The following MTREX variants were observed in gnomAD, a reference collection of about 807,000 sequenced individuals.
MTREX encodes Mtr4 exosome RNA helicase.
A neutral mutation model predicts 135.4 loss-of-function variants in MTREX; 76 were observed. The observed-to-expected ratio is 0.56, with a 90% CI of 0.47 to 0.68. The LOEUF (loss-of-function observed/expected upper bound fraction) is 0.68. Among genes scored for constraint, MTREX ranks in the 30% least tolerant of loss-of-function variants. The probability of loss-of-function intolerance (pLI) is 0.00; values close to 1 mark genes in which losing one functional copy is unlikely to be tolerated. For synonymous variants in MTREX, 404 were observed against 401.6 expected, an observed-to-expected ratio of 1.01 and a Z score of -0.07; for missense variants, 920 against 1,262.1, an observed-to-expected ratio of 0.73 and a Z score of 4.11.
chr5:55,350,337 G>C (rs1192395798), intron 12 of MTREX, among the ~76,000 whole-genome samples: 2 of 152,144 alleles, frequency 1.3e-5, no homozygotes, highest in Non-Finnish European at 2.9e-5. Flanking sequence ...CATGTTTCTT[G>C]CTATTTGAAA....
At chr5:55,316,645 G>C (rs1749203067) in intron 1 of MTREX, among the ~76,000 whole-genome samples, 1 of 152,020 alleles carries the variant, frequency 6.6e-6, no homozygotes, top group Non-Finnish European at 1.5e-5. Flanking sequence ...CAATATAATA[G>C]AGCCATCTAT....
chr5:55,410,599 A>G lies in MTREX; in HGVS notation c.2721A>G (p.Ala907=), dbSNP rs1403718997. ...FNDLSAEQAT[A]LLSCFVFQEN... ...ACCTTTCTGCAGAACAGGCAACAGC[A>G]TTATTAAGCTGCTTTGTGTTTCAAG... Residue 907 remains alanine (A), a synonymous_variant, in exon 23 of 27, where the codon GCA becomes GCG. Transcript: ENST00000230640. 7.5e-6 allele frequency: 12 copies of G among 1,608,994 alleles called. No homozygotes were observed. Among genetic ancestry groups the G allele is most frequent in the Admixed American group, 1.7e-5 (1 of 59,686 alleles).
At chr5:55,384,888 G>A (rs759619656) in intron 18 of MTREX, among the ~76,000 whole-genome samples, 26 of 152,088 alleles carry the variant, frequency 1.7e-4, no homozygotes, top group Non-Finnish European at 3.2e-4. Context: ...TAGCAGGAGG[G>A]CTCCTCCCAC....
At chr5:55,413,488 T>G (rs749579609) in intron 23 of MTREX, among the ~76,000 whole-genome samples, 11 of 152,318 alleles carry the variant, frequency 7.2e-5, no homozygotes, top group Non-Finnish European at 1.5e-4. Context: ...ATAAGCCTAC[T>G]CATTTTGAGG....
At chr5:55,347,320 T>G (rs1276018554) in intron 11 of MTREX, among the ~76,000 whole-genome samples, 176 bp downstream of exon 11, 4 of 152,252 alleles carry the variant, frequency 2.6e-5, no homozygotes, top group African/African-American at 9.6e-5. Flanking sequence ...CTTTCTTCCC[T>G]TTCTTCTCCT....
chr5:55,314,365 T>A (rs1330827389), intron 1 of MTREX, among the ~76,000 whole-genome samples: 1 of 152,222 alleles, frequency 6.6e-6, no homozygotes, highest in Non-Finnish European at 1.5e-5. Flanking sequence ...GAGTTCATGC[T>A]GCTAATCAGT....
At chr5:55,372,289 G>A (rs886551490) in intron 16 of MTREX, among the ~76,000 whole-genome samples, 1 of 152,066 alleles carries the variant, frequency 6.6e-6, no homozygotes, top group African/African-American at 2.4e-5. Context: ...TACAGCTCCT[G>A]TAAGCAGTGA....
chr5:55,378,558 T>C (rs1750344306), intron 17 of MTREX, 72 bp downstream of exon 17: 3 of 1,419,370 alleles, frequency 2.1e-6, no homozygotes, highest in Admixed American at 2.4e-5. Flanking sequence ...AAGATTCTAA[T>C]TTATTTTTTA....
chr5:55,340,801 T>A (rs1470556968), intron 6 of MTREX, among the ~76,000 whole-genome samples: 1 of 152,138 alleles, frequency 6.6e-6, no homozygotes, highest in Non-Finnish European at 1.5e-5. Flanking sequence ...CAGTATGGTC[T>A]CTATCTCCTG....
chr5:55,388,172 C>T, intron 19 of MTREX, 70 bp downstream of exon 19: 2 of 1,383,184 alleles, frequency 1.4e-6, no homozygotes, highest in Non-Finnish European at 2.0e-6. Flanking sequence ...CAAAGTTCTC[C>T]AATGTGATGG....
At position 55,353,259 on chromosome 5, in the gene MTREX, ATT is replaced by A. The variant is rs772215714; in HGVS notation, c.1525_1526del (p.Phe509ProfsTer7). 6.2e-7 allele frequency: 1 copy of A among 1,604,308 alleles called. No individual in the cohort carries two copies. The highest frequency in any genetic ancestry group is 1.7e-5 in the Admixed American group (1 of 59,236). ...AATGCCCGCAAATTTGATGGGAAGG[ATT>A]TCCGATGGGTAAGTAAAGCAATTCA... On this transcript the variant is annotated frameshift_variant, in exon 14 of 27. Coordinates refer to ENST00000230640, the MANE Select transcript of MTREX (RefSeq NM_015360.5). LOFTEE classifies it high-confidence loss of function.
At chr5:55,364,336 C>G (rs1750062330) in intron 15 of MTREX, among the ~76,000 whole-genome samples, 1 of 152,114 alleles carries the variant, frequency 6.6e-6, no homozygotes, top group South Asian at 2.1e-4. Context: ...CTTTAGAAAA[C>G]AATAGAGTTT....
At chr5:55,342,237 T>C (rs777064866) in intron 7 of MTREX, among the ~76,000 whole-genome samples, 7 of 152,194 alleles carry the variant, frequency 4.6e-5, no homozygotes, top group Non-Finnish European at 1.0e-4. Context: ...CAACATGATA[T>C]TATTTTTCCA....
chr5:55,354,590 G>T (rs1424047050), intron 14 of MTREX, among the ~76,000 whole-genome samples: 1 of 152,206 alleles, frequency 6.6e-6, no homozygotes, highest in African/African-American at 2.4e-5. Context: ...TAAAATGTTG[G>T]ATGCTCTACA....
rs145771252 is a variant in MTREX at position 55,367,330 on chromosome 5, C to T, written c.1810+455C>T. Among the ~76,000 whole-genome samples, 980 of 151,962 alleles carry T rather than the reference C, an allele frequency of 6.4e-3. 3 individuals carry two copies. Among genetic ancestry groups the T allele is most frequent in the Non-Finnish European group, 0.01 (685 of 67,946 alleles). On this transcript the variant is annotated intron_variant, in intron 16 of 26. Coordinates refer to ENST00000230640, the MANE Select transcript of MTREX (RefSeq NM_015360.5). ...TGAAACCCCATCTCTACTAAAAATA[C>T]AAAAAATGAGCTGGGCATGGTGGTG...
chr5:55,373,487 AC>A (rs1750241048), intron 16 of MTREX, among the ~76,000 whole-genome samples: 3 of 151,824 alleles, frequency 2.0e-5, no homozygotes, highest in Admixed American at 1.3e-4. Flanking sequence ...AAGATGGTGC[AC>A]TCCATCTCTG....
chr5:55,345,560 A>T (rs1363216976), intron 10 of MTREX, among the ~76,000 whole-genome samples: 1 of 151,798 alleles, frequency 6.6e-6, no homozygotes, highest in Non-Finnish European at 1.5e-5. Flanking sequence ...GTTAATCATT[A>T]GCCTGTTTTC....
At chr5:55,317,435 A>G (rs991288329) in intron 1 of MTREX, among the ~76,000 whole-genome samples, 2 of 152,226 alleles carry the variant, frequency 1.3e-5, no homozygotes, top group East Asian at 1.9e-4. Flanking sequence ...AAACAGGCAC[A>G]TTGAACAATG....
At chr5:55,314,668 C>T (rs1199404456) in intron 1 of MTREX, among the ~76,000 whole-genome samples, 1 of 152,190 alleles carries the variant, frequency 6.6e-6, no homozygotes, top group Non-Finnish European at 1.5e-5. Context: ...CTATATTGCA[C>T]TTCTTTCTTT....
Sources: allele counts gnomAD v4.1 joint callset (sites outside exome capture counted in the v4.1 genomes callset), GRCh38; gene constraint gnomAD v4.1.1; transcripts MANE v1.5; gene names NCBI Gene and HGNC (gene_info 2026-07-23, HGNC 2026-07-21).